UVRAG: variants seen among roughly 807,000 people sequenced by gnomAD.
UVRAG encodes UV radiation resistance-associated gene protein.
In UVRAG, 19 loss-of-function variants were observed where a neutral mutation model predicts 78.0. That is an observed-to-expected ratio of 0.24 (90% CI 0.17 to 0.36). The LOEUF (loss-of-function observed/expected upper bound fraction) is 0.36, where lower values mean the gene tolerates loss of function less well. Among genes scored for constraint, UVRAG ranks in the 10% least tolerant of loss-of-function variants. The probability of loss-of-function intolerance (pLI) is 1.00; values close to 1 mark genes in which losing one functional copy is unlikely to be tolerated. For synonymous variants in UVRAG, 323 were observed against 324.6 expected, an observed-to-expected ratio of 1.00 and a Z score of 0.05; for missense variants, 740 against 853.8, an observed-to-expected ratio of 0.87 and a Z score of 1.66.
At chr11:75,930,984 T>TTTCTTTCC (rs1234245558) in intron 6 of UVRAG, 198 of 150,292 alleles carry the variant, frequency 1.3e-3, no homozygotes, top group Non-Finnish European at 2.3e-3. Context: ...TCTTTCTTTC[T>TTTCTTTCC]TTCCATTTTT....
chr11:75,992,643 C>A (rs1283771493), intron 8 of UVRAG, among the ~76,000 whole-genome samples: 2 of 152,112 alleles, frequency 1.3e-5, no homozygotes, highest in African/African-American at 4.8e-5. Flanking sequence ...ATAACCTGGT[C>A]TACTTTTTGG....
In UVRAG at chr11:76,026,733, G is replaced by A. The variant is rs556812372; in HGVS notation, c.1226+9753G>A. ...GGCAGTGGAAAAGAGTGGACCAAAT[G>A]CTTTGGTTCTCTATCTTCCTTGCTA... is the stretch of plus-strand genomic sequence containing the variant. On this transcript the variant is annotated intron_variant, in intron 12 of 14. Coordinates refer to ENST00000356136, the MANE Select transcript of UVRAG (RefSeq NM_003369.4). 2.0e-5 allele frequency among the ~76,000 whole-genome samples: 3 copies of A among 152,168 alleles called. No individual in the cohort carries two copies. The South Asian group carries it at 6.2e-4, about 32-fold the overall frequency.
chr11:76,081,908 C>T (rs897244320), intron 13 of UVRAG, among the ~76,000 whole-genome samples: 1 of 148,878 alleles, frequency 6.7e-6, no homozygotes, highest in Non-Finnish European at 1.5e-5. Context: ...ACGAATTTCA[C>T]CAGCATGATG....
chr11:75,923,003 C>CATATATATATAT lies in UVRAG; in HGVS notation c.593+10973_593+10984dup, dbSNP rs147448761. 1.5e-3 allele frequency among the ~76,000 whole-genome samples: 215 copies of CATATATATATAT among 138,722 alleles called. 1 individual carries two copies. Among genetic ancestry groups the CATATATATATAT allele is most frequent in the African/African-American group, 5.4e-3 (203 of 37,734 alleles). 91.0% of individuals were successfully genotyped at this position (138,722 alleles called of 152,430 possible). A position where few individuals can be genotyped will look rare whatever the true frequency, so the allele number is the denominator to read the frequency against. On this transcript the variant is annotated intron_variant, in intron 6 of 14. Transcript: ENST00000356136. ...AAAAATATATATACATATATTTTTT[C>CATATATATATAT]ATATATATATATATATATATGTTCG... is the stretch of plus-strand genomic sequence containing the variant.
chr11:76,041,709 G>A (rs568646595), intron 12 of UVRAG, among the ~76,000 whole-genome samples: 20 of 152,228 alleles, frequency 1.3e-4, no homozygotes, highest in African/African-American at 3.6e-4. Flanking sequence ...ATAGGCAGTC[G>A]TCTTCTGGTA....
intron 9 of UVRAG, among the ~76,000 whole-genome samples, chr11:76,005,563 T>G (rs948306339): frequency 6.6e-6 from 1 of 152,196 alleles, no homozygotes; most frequent in Non-Finnish European, 1.5e-5. Flanking sequence ...CTTTTAACAT[T>G]AGATTCTCCA....
intron 13 of UVRAG, among the ~76,000 whole-genome samples, chr11:76,070,761 T>C (rs951662109): frequency 2.6e-5 from 4 of 152,186 alleles, no homozygotes; most frequent in African/African-American, 7.2e-5. Context: ...AGGACAAATA[T>C]TGTAGCGTTC....
Position 75,975,036 on chromosome 11 carries a change from G to A in UVRAG, c.700-8351G>A, listed in dbSNP as rs76771614. On this transcript the variant is annotated intron_variant, in intron 7 of 14. Transcript: ENST00000356136. The stretch of plus-strand genomic sequence containing the variant: ...GGTCTGATGTTTAAGTCTTTAATCC[G>A]TCTTGAATTAATTTTTGTATAAGGT... Among the ~76,000 whole-genome samples the A allele has an allele frequency of 2.4e-4, 36 of 152,208 alleles. No homozygotes were observed. The East Asian group carries it at 2.9e-3, about 12-fold the overall frequency.
rs189103799 is a variant in UVRAG, at chr11:75,893,094, T to C, written c.507+4191T>C. Among the ~76,000 whole-genome samples the C allele has an allele frequency of 2.9e-3, 443 of 151,274 alleles. 4 individuals carry two copies. The highest frequency in any genetic ancestry group is 0.01 in the African/African-American group (414 of 41,214). ...TCTGAGGCTGAGGCAGGAGAACTGC[T>C]TGAACCCAGGAGGTGGAGGTTGCAG... is the stretch of plus-strand genomic sequence containing the variant. On this transcript the variant is annotated intron_variant, in intron 5 of 14. Coordinates refer to ENST00000356136, the MANE Select transcript of UVRAG (RefSeq NM_003369.4).
intron 12 of UVRAG, among the ~76,000 whole-genome samples, chr11:76,030,233 A>G (rs1273130367): frequency 6.6e-6 from 1 of 151,946 alleles, no homozygotes; most frequent in Non-Finnish European, 1.5e-5. Flanking sequence ...GGGTGCCGCT[A>G]TGTTGACCAG....
At chr11:75,824,385 GA>G (rs1945464877) in intron 1 of UVRAG, among the ~76,000 whole-genome samples, 1 of 148,124 alleles carries the variant, frequency 6.8e-6, no homozygotes, top group Non-Finnish European at 1.5e-5. Context: ...TTTTTCCTGT[GA>G]AAATGAGTTT....
At chr11:76,040,958 A>G (rs1196627559) in intron 12 of UVRAG, among the ~76,000 whole-genome samples, 2 of 152,186 alleles carry the variant, frequency 1.3e-5, no homozygotes, top group Non-Finnish European at 2.9e-5. Flanking sequence ...AATAAGAAGA[A>G]TATCATGCAC....
At chr11:76,001,020 C>T (rs952589111) in intron 8 of UVRAG, among the ~76,000 whole-genome samples, 16 of 152,066 alleles carry the variant, frequency 1.1e-4, no homozygotes, top group African/African-American at 3.6e-4. Context: ...GATAGCATAC[C>T]ACTCCACTGA....
chr11:75,961,802 G>C (rs572325638), intron 7 of UVRAG, among the ~76,000 whole-genome samples: 1 of 152,152 alleles, frequency 6.6e-6, no homozygotes, highest in Admixed American at 6.5e-5. Flanking sequence ...TAATTAACAG[G>C]CAGTTTTATT....
intron 1 of UVRAG, among the ~76,000 whole-genome samples, chr11:75,839,862 T>TATATAGAGAG (rs146855804): frequency 2.4e-4 from 35 of 148,922 alleles, no homozygotes; most frequent in Non-Finnish European, 8.9e-5. Flanking sequence ...CATATATATA[T>TATATAGAGAG]AGAGAGAGAG....
At chr11:75,997,228 C>T (rs1175137345) in intron 8 of UVRAG, among the ~76,000 whole-genome samples, 1 of 152,058 alleles carries the variant, frequency 6.6e-6, no homozygotes, top group Admixed American at 6.5e-5. Flanking sequence ...TGTGGAAAAC[C>T]CAGAAGAATG....
Position 75,826,776 on chromosome 11 carries a change from G to T in UVRAG, c.117+11252G>T, listed in dbSNP as rs141975763. ...AAGTTTCTGAAAGAGTAACCATCTG[G>T]TTTTTTGATGGTTTTATTCTGTGTA... On this transcript the variant is annotated intron_variant, in intron 1 of 14. Coordinates refer to ENST00000356136, the MANE Select transcript of UVRAG (RefSeq NM_003369.4). Among the ~76,000 whole-genome samples, 34 of 150,740 alleles carry T rather than the reference G, an allele frequency of 2.3e-4. No homozygotes were observed. The East Asian group carries it at 6.0e-3, about 27-fold the overall frequency.
intron 12 of UVRAG, among the ~76,000 whole-genome samples, chr11:76,018,457 T>C (rs1272031889): frequency 6.6e-6 from 1 of 152,198 alleles, no homozygotes; most frequent in African/African-American, 2.4e-5. Flanking sequence ...GTTGCCAGGC[T>C]GGAGGGCAGT....
chr11:75,926,016 C>A (rs2135085774), intron 6 of UVRAG, among the ~76,000 whole-genome samples: 1 of 152,146 alleles, frequency 6.6e-6, no homozygotes, highest in Non-Finnish European at 1.5e-5. Context: ...TTCCTTATAG[C>A]ACCCTTAGTC....
Sources: gnomAD v4.1 joint callset for allele counts (sites outside exome capture counted in the v4.1 genomes callset) on GRCh38, gnomAD v4.1.1 for gene constraint, MANE v1.5 for transcripts, NCBI Gene and HGNC (gene_info 2026-07-23, HGNC 2026-07-21) for gene names.